The following DUSP19 variants were observed in gnomAD, a reference collection of about 807,000 sequenced individuals.
DUSP19 encodes the protein dual specificity phosphatase 19, also known as dual specificity protein phosphatase 19.
DUSP19 carries 14 observed loss-of-function variants against 16.6 expected under a neutral mutation model. The ratio of observed to expected loss-of-function variants is 0.84; its 90% confidence interval spans 0.56 to 1.32. The LOEUF is 1.32. Ranked by LOEUF, DUSP19 falls within the 40% of genes most tolerant of loss-of-function variation. The pLI is 0.00. For missense variants in DUSP19, 258 were observed against 255.9 expected (o/e 1.01, Z -0.06); for synonymous variants, 81 against 90.5 (o/e 0.90, Z 0.59).
At chr2:183,095,019 A>C (rs1480266682) in intron 3 of DUSP19, among the ~76,000 whole-genome samples, 1 of 152,132 alleles carries the variant, frequency 6.6e-6, no homozygotes, top group South Asian at 2.1e-4. Flanking sequence ...ATTTGGCTAC[A>C]AAGTTGTTAG....
intron 2 of DUSP19, among the ~76,000 whole-genome samples, chr2:183,085,056 C>T (rs1310395351): frequency 6.6e-6 from 1 of 152,080 alleles, no homozygotes; most frequent in African/African-American, 2.4e-5. Context: ...AAACAGTGTG[C>T]TCAGTTCTGA....
At chr2:183,080,900 C>T (rs1173699700) in intron 1 of DUSP19, among the ~76,000 whole-genome samples, 7 of 152,150 alleles carry the variant, frequency 4.6e-5, no homozygotes, top group East Asian at 1.9e-4. Flanking sequence ...TGGTTCCACC[C>T]GCAGTTCTTC....
chr2:183,094,594 C>A (rs760621589), intron 3 of DUSP19, among the ~76,000 whole-genome samples: 4 of 152,142 alleles, frequency 2.6e-5, no homozygotes, highest in Non-Finnish European at 5.9e-5. Context: ...ATTGGTCTTG[C>A]ACTGTGTCTC....
intron 2 of DUSP19, among the ~76,000 whole-genome samples, chr2:183,085,975 C>T (rs1351634647): frequency 7.1e-6 from 1 of 139,980 alleles, no homozygotes; most frequent in African/African-American, 2.6e-5. Flanking sequence ...AAGTGATTCT[C>T]AGCCTTTGGA....
At chr2:183,085,892 G>A (rs2105499728) in intron 2 of DUSP19, among the ~76,000 whole-genome samples, 1 of 107,662 alleles carries the variant, frequency 9.3e-6, no homozygotes, top group East Asian at 3.0e-4. Flanking sequence ...TTGAGGCAGA[G>A]TCTCGCTCAT....
In DUSP19 at chr2:183,085,415, G is replaced by A. The variant is rs528809097; in HGVS notation, c.274-1625G>A. On this transcript the variant is annotated intron_variant, in intron 2 of 3. Coordinates refer to ENST00000354221, the MANE Select transcript of DUSP19 (RefSeq NM_080876.4). Reference sequence around the variant, plus strand: ...AGAGAATAGTGTTTTAAGGAGGAGAGAGTCAGCAATGTCAGATGCTGTAAA... The same window carrying A: ...AGAGAATAGTGTTTTAAGGAGGAGAAAGTCAGCAATGTCAGATGCTGTAAA... Among the ~76,000 whole-genome samples the A allele has an allele frequency of 1.8e-4, 27 of 152,336 alleles. 1 individual carries two copies. In the South Asian group the frequency reaches 5.4e-3, roughly 30 times the overall value.
At chr2:183,088,374 T>G in intron 3 of DUSP19, among the ~76,000 whole-genome samples, 1 of 149,422 alleles carries the variant, frequency 6.7e-6, no homozygotes, top group Non-Finnish European at 1.5e-5. Flanking sequence ...AGGAAGAGGT[T>G]TTTTTTGTTT....
chr2:183,091,666 A>G (rs1383714107), intron 3 of DUSP19, among the ~76,000 whole-genome samples: 2 of 152,220 alleles, frequency 1.3e-5, no homozygotes, highest in Non-Finnish European at 2.9e-5. Flanking sequence ...ACAAAGTTAT[A>G]CTTCTATGCA....
chr2:183,083,374 C>A, intron 1 of DUSP19, 134 bp from the exon 2 acceptor site: 1 of 731,058 alleles, frequency 1.4e-6, no homozygotes, highest in Non-Finnish European at 2.2e-6. Flanking sequence ...TCAAATTGCC[C>A]TTCAGAAAGT....
chr2:183,099,484 A>G lies in DUSP19; in HGVS notation c.*3826A>G, dbSNP rs1319513771. ...ATCAACAAACTTATGGTTTGTTTCA[A>G]TTGATGCACACAAAAAATAACTTAT... is the stretch of plus-strand genomic sequence containing the variant. On this transcript the variant is annotated 3_prime_UTR_variant, in exon 4 of 4. Transcript: ENST00000354221. 1 of 152,218 alleles carries G rather than the reference A, an allele frequency of 6.6e-6. No individual in the cohort carries two copies. The highest frequency in any genetic ancestry group is 1.5e-5 in the Non-Finnish European group (1 of 68,032). 9.4% of individuals were successfully genotyped at this position (152,218 alleles called of 1,614,324 possible).
intron 3 of DUSP19, among the ~76,000 whole-genome samples, chr2:183,092,380 T>A (rs1253661626): frequency 6.6e-6 from 1 of 152,134 alleles, no homozygotes; most frequent in Non-Finnish European, 1.5e-5. Context: ...CCTGATGCTC[T>A]CCCTCCTCCT....
intron 3 of DUSP19, among the ~76,000 whole-genome samples, chr2:183,087,399 A>G (rs1307477637): frequency 1.3e-5 from 2 of 152,244 alleles, no homozygotes; most frequent in African/African-American, 4.8e-5. Context: ...TTCAGACTAT[A>G]AAACAGAGAC....
At chr2:183,088,407 T>TTG (rs1553522359) in intron 3 of DUSP19, among the ~76,000 whole-genome samples, 1 of 148,970 alleles carries the variant, frequency 6.7e-6, no homozygotes, top group African/African-American at 2.5e-5. Context: ...GTTTTTTTTT[T>TTG]TTGTTTTTTT....
chr2:183,079,282 CT>C (rs1470720162), intron 1 of DUSP19, 123 bp downstream of exon 1: 2 of 995,618 alleles, frequency 2.0e-6, no homozygotes, highest in East Asian at 2.6e-5. Flanking sequence ...GAACTGTTTC[CT>C]TTTTTGGATA....
At chr2:183,091,808 G>A (rs1239520101) in intron 3 of DUSP19, among the ~76,000 whole-genome samples, 4 of 152,184 alleles carry the variant, frequency 2.6e-5, no homozygotes, top group African/African-American at 7.2e-5. Context: ...GGAAAGTTAG[G>A]GTTTTCCTTT....
At chr2:183,090,771 T>A (rs1699722016) in intron 3 of DUSP19, among the ~76,000 whole-genome samples, 1 of 152,108 alleles carries the variant, frequency 6.6e-6, no homozygotes, top group African/African-American at 2.4e-5. Flanking sequence ...AAATACCTTC[T>A]CCCCCTGTCC....
chr2:183,095,450 A>G lies in DUSP19; in HGVS notation c.446A>G (p.His149Arg), dbSNP rs1203114962. The G allele has an allele frequency of 5.0e-6, 8 of 1,609,898 alleles. No individual in the cohort carries two copies. The highest frequency in any genetic ancestry group is 6.8e-6 in the Non-Finnish European group (8 of 1,177,926). The change falls in exon 4 of 4, where the codon CAT becomes CGT. Residue 149 changes from histidine to arginine, a missense_variant. By Grantham distance (29) the His-to-Arg change is conservative (BLOSUM62 0). Coordinates refer to ENST00000354221, the MANE Select transcript of DUSP19 (RefSeq NM_080876.4). ...AKRKDGVVLV[H>R]CNAGVSRAAA... Reference sequence around the variant, plus strand: ...TTGTAGGATGGAGTGGTTCTTGTTCATTGTAATGCAGGCGTTTCCAGGGCT... The same window carrying G: ...TTGTAGGATGGAGTGGTTCTTGTTCGTTGTAATGCAGGCGTTTCCAGGGCT...
rs1453274878 is a variant in DUSP19 at position 183,096,589 on chromosome 2, T to C, written c.*931T>C. On this transcript the variant is annotated 3_prime_UTR_variant, in exon 4 of 4. Transcript: ENST00000354221. ...GGCATTTCTTTCTTTTTTTTTTTAA[T>C]GTATAGGTGTTCTGTCATACGTTAT... 3.4e-5 allele frequency: 5 copies of C among 146,068 alleles called. No individual in the cohort carries two copies. The highest frequency in any genetic ancestry group is 3.3e-3 in the Middle Eastern group (1 of 306). The allele number at this position is 146,068 out of a possible 1,614,324, so 9.0% of individuals were successfully genotyped here. A position where few individuals can be genotyped will look rare whatever the true frequency, so the allele number is the denominator to read the frequency against.
chr2:183,083,205 A>T (rs906759303), intron 1 of DUSP19, among the ~76,000 whole-genome samples: 1 of 152,154 alleles, frequency 6.6e-6, no homozygotes, highest in African/African-American at 2.4e-5. Flanking sequence ...AACAGCTATT[A>T]TTGGGCTTTT....
Sources: allele counts gnomAD v4.1 joint callset (sites outside exome capture counted in the v4.1 genomes callset), GRCh38; gene constraint gnomAD v4.1.1; transcripts MANE v1.5; gene names NCBI Gene and HGNC (gene_info 2026-07-23, HGNC 2026-07-21).